RAD51B: variants seen among roughly 807,000 people sequenced by gnomAD.
The protein encoded by RAD51B is DNA repair protein RAD51 homolog 2.
Under a neutral mutation model 42.2 loss-of-function variants are expected in RAD51B, and 38 were observed. That is an observed-to-expected ratio of 0.90 (90% CI 0.70 to 1.18). The LOEUF is 1.18. Ranked by LOEUF, RAD51B falls within the 50% of genes most tolerant of loss-of-function variation. RAD51B has a pLI of 0.00. For missense variants in RAD51B, 373 were observed against 400.7 expected (o/e 0.93, Z 0.59); for synonymous variants, 154 against 145.2 (o/e 1.06, Z -0.43).
intron 7 of RAD51B, among the ~76,000 whole-genome samples, chr14:68,116,198 T>C (rs1417533947): frequency 1.3e-5 from 2 of 152,036 alleles, no homozygotes; most frequent in African/African-American, 4.8e-5. Context: ...GCATGAGATG[T>C]TGTCATGCAG....
At position 68,419,519 on chromosome 14, in the gene RAD51B, A is replaced by C. The variant is rs1335140536; in HGVS notation, c.957+7992A>C. Among the ~76,000 whole-genome samples the C allele has an allele frequency of 3.3e-5, 5 of 152,146 alleles. 1 individual carries two copies. Among genetic ancestry groups the C allele is most frequent in the African/African-American group, 1.2e-4 (5 of 41,424 alleles). On this transcript the variant is annotated intron_variant, in intron 9 of 10. Coordinates refer to ENST00000471583, the MANE Select transcript of RAD51B (RefSeq NM_133510.4). Reference sequence around the variant, plus strand: ...TTTTAAATTCTTGAACCCAAATCTGAATATGTGGCTTTTTCCAAGTTAAAC... The same window carrying C: ...TTTTAAATTCTTGAACCCAAATCTGCATATGTGGCTTTTTCCAAGTTAAAC...
At chr14:68,264,183 A>G (rs1202909408) in intron 7 of RAD51B, among the ~76,000 whole-genome samples, 2 of 152,230 alleles carry the variant, frequency 1.3e-5, no homozygotes, top group East Asian at 3.8e-4. Flanking sequence ...TTTATTCAGG[A>G]CTATGGCTGT....
intron 7 of RAD51B, among the ~76,000 whole-genome samples, chr14:68,280,589 T>C (rs370655967): frequency 6.4e-4 from 98 of 152,336 alleles, no homozygotes; most frequent in Middle Eastern, 3.4e-3. Flanking sequence ...GTCTGACACA[T>C]AGGAAATGCT....
rs773622513 is a variant in RAD51B, at chr14:67,865,115, CAG to C, written c.431_432del (p.Glu144ValfsTer4). 1.9e-6 allele frequency: 3 copies of C among 1,602,396 alleles called. No homozygotes were observed. Among genetic ancestry groups the C allele is most frequent in the Middle Eastern group, 1.7e-4 (1 of 6,028 alleles). On this transcript the variant is annotated frameshift_variant, in exon 5 of 11. Coordinates refer to ENST00000471583, the MANE Select transcript of RAD51B (RefSeq NM_133510.4). LOFTEE classifies it high-confidence loss of function. ...GAAGGAGCTGTGGTGTACATTGACACAGAGTCTGCATTTAGTGCTGAAAGGTA... is the reference window on the plus strand; with the variant it reads ...GAAGGAGCTGTGGTGTACATTGACACAGTCTGCATTTAGTGCTGAAAGGTA...
At chr14:68,369,790 A>T (rs550358406) in intron 8 of RAD51B, among the ~76,000 whole-genome samples, 1 of 152,306 alleles carries the variant, frequency 6.6e-6, no homozygotes, top group South Asian at 2.1e-4. Flanking sequence ...CATTTCTCTG[A>T]TCACACAGAA....
At chr14:68,438,817 A>T (rs2085209474) in intron 9 of RAD51B, among the ~76,000 whole-genome samples, 1 of 152,214 alleles carries the variant, frequency 6.6e-6, no homozygotes, top group Admixed American at 6.5e-5. Flanking sequence ...GGCCCTATGG[A>T]GAGCTATGTC....
At chr14:68,680,510 A>T (rs1893404112) in intron 11 of RAD51B, among the ~76,000 whole-genome samples, 1 of 152,222 alleles carries the variant, frequency 6.6e-6, no homozygotes, top group South Asian at 2.1e-4. Flanking sequence ...TGTGTTCCAC[A>T]GCCAGCTTGC....
At chr14:68,470,076 C>G (rs997157631) in intron 10 of RAD51B, among the ~76,000 whole-genome samples, 1 of 152,172 alleles carries the variant, frequency 6.6e-6, no homozygotes, top group Non-Finnish European at 1.5e-5. Flanking sequence ...CAAGGAATGA[C>G]TTTTCGAAAA....
intron 10 of RAD51B, among the ~76,000 whole-genome samples, chr14:68,512,764 A>C (rs552747923): frequency 6.6e-6 from 1 of 152,274 alleles, no homozygotes; most frequent in South Asian, 2.1e-4. Context: ...AAGCAAACAA[A>C]CCAACAAACA....
chr14:68,541,570 T>A (rs1887969536), intron 10 of RAD51B: 1 of 985,352 alleles, frequency 1.0e-6, no homozygotes, highest in Non-Finnish European at 1.2e-6. Context: ...TGGCATGCGG[T>A]ATTCCTTGGG....
intron 8 of RAD51B, among the ~76,000 whole-genome samples, chr14:68,321,475 C>G (rs1422333269): frequency 2.0e-5 from 3 of 152,166 alleles, no homozygotes; most frequent in African/African-American, 4.8e-5. Context: ...AAGTGATAGA[C>G]TTGGAAGAGT....
chr14:68,094,433 G>A (rs914438727), intron 7 of RAD51B, among the ~76,000 whole-genome samples: 3 of 152,092 alleles, frequency 2.0e-5, no homozygotes, highest in Non-Finnish European at 4.4e-5. Flanking sequence ...TTTTGAAAGA[G>A]TATTTAATGA....
rs1298545238 is a variant in RAD51B, at chr14:68,136,514, G to A, written c.757-155370G>A. ...AATCGCTTGAACCCGGGAGGCAGAGGTTGCAGTGAGCTGAGATCACACCAC... is the reference window on the plus strand; with the variant it reads ...AATCGCTTGAACCCGGGAGGCAGAGATTGCAGTGAGCTGAGATCACACCAC... On this transcript the variant is annotated intron_variant, in intron 7 of 10. Transcript: ENST00000471583. Among the ~76,000 whole-genome samples the A allele has an allele frequency of 4.0e-5, 2 of 50,390 alleles. 1 individual carries two copies. Among genetic ancestry groups the A allele is most frequent in the Admixed American group, 5.7e-4 (2 of 3,538 alleles). 33.1% of individuals were successfully genotyped at this position (50,390 alleles called of 152,430 possible). A position where few individuals can be genotyped will look rare whatever the true frequency, so the allele number is the denominator to read the frequency against.
intron 10 of RAD51B, among the ~76,000 whole-genome samples, chr14:68,469,999 G>A (rs2086081151): frequency 6.6e-6 from 1 of 152,142 alleles, no homozygotes; most frequent in African/African-American, 2.4e-5. Context: ...TTTTAAGAGG[G>A]AAGAGAAAGT....
chr14:68,420,938 T>TCCA (rs1566873298), intron 9 of RAD51B, among the ~76,000 whole-genome samples: 1 of 152,230 alleles, frequency 6.6e-6, no homozygotes, highest in East Asian at 1.9e-4. Flanking sequence ...GGCCTTGACT[T>TCCA]GGTGATGATT....
chr14:67,901,028 G>A (rs1437981884), intron 7 of RAD51B, among the ~76,000 whole-genome samples: 7 of 152,160 alleles, frequency 4.6e-5, no homozygotes, highest in African/African-American at 7.2e-5. Flanking sequence ...TTTATTAAGC[G>A]AAAGGAAAGC....
chr14:68,556,773 G>T (rs912602832), intron 10 of RAD51B, among the ~76,000 whole-genome samples: 2 of 152,130 alleles, frequency 1.3e-5, no homozygotes, highest in East Asian at 3.9e-4. Flanking sequence ...GGGAGGGCTG[G>T]TCACACCAAC....
At chr14:68,478,293 T>C (rs1459596479), downstream of RAD51B, among the ~76,000 whole-genome samples, 1 of 152,180 alleles carries the variant, frequency 6.6e-6, no homozygotes, top group Non-Finnish European at 1.5e-5. Flanking sequence ...TTAGTGGCAT[T>C]TGAAGGTCAT....
intron 9 of RAD51B, among the ~76,000 whole-genome samples, chr14:68,448,718 C>T (rs2085481332): frequency 6.6e-6 from 1 of 152,054 alleles, no homozygotes; most frequent in Admixed American, 6.6e-5. Context: ...TAGAATTTGC[C>T]TGCTAAACAG....
Sources: gnomAD v4.1 joint callset for allele counts (sites outside exome capture counted in the v4.1 genomes callset) on GRCh38, gnomAD v4.1.1 for gene constraint, MANE v1.5 for transcripts, NCBI Gene and HGNC (gene_info 2026-07-23, HGNC 2026-07-21) for gene names.